The following PYCARD variants were observed in gnomAD, a reference collection of about 807,000 sequenced individuals.
PYCARD encodes PYD and CARD domain containing.
PYCARD carries 10 observed loss-of-function variants against 10.0 expected under a neutral mutation model. That is an observed-to-expected ratio of 1.00 (90% CI 0.62 to 1.69). The LOEUF is 1.69. PYCARD is among the 40% of genes most tolerant of loss of function. The probability of loss-of-function intolerance (pLI) is 0.00; values close to 1 mark genes in which losing one functional copy is unlikely to be tolerated. For missense variants in PYCARD, 239 were observed against 260.2 expected (o/e 0.92, Z 0.56); for synonymous variants, 121 against 122.3 (o/e 0.99, Z 0.07).
Position 31,202,244 on chromosome 16 carries a change from C to G in PYCARD, c.275-41G>C. The G allele has an allele frequency of 6.3e-7, 1 of 1,594,078 alleles. No homozygotes were observed. The highest frequency in any genetic ancestry group is 8.5e-7 in the Non-Finnish European group (1 of 1,177,014). On this transcript the variant is annotated intron_variant, in intron 1 of 2. Transcript: ENST00000247470. The surrounding 1 kb of genome is among the most constrained non-coding windows in gnomAD (Gnocchi z 4.5). Reference sequence around the variant, plus strand: ...CCAAGTGATCCCCTTCCCTTCCCTTCCCGCCGTGGGGCCGGGGTCCCGTTG... The same window carrying G: ...CCAAGTGATCCCCTTCCCTTCCCTTGCCGCCGTGGGGCCGGGGTCCCGTTG...
Position 31,202,077 on chromosome 16 carries a change from C to T in PYCARD, c.331+70G>A. 1 of 1,557,722 alleles carries T rather than the reference C, an allele frequency of 6.4e-7. No homozygotes were observed. On this transcript the variant is annotated intron_variant, in intron 2 of 2. Transcript: ENST00000247470. The surrounding 1 kb of genome is among the most constrained non-coding windows in gnomAD (Gnocchi z 4.5). ...CGTGCCTGCCCTGCCCTGCCCTGCC[C>T]TGGTTGCGGGAGCACAGATGCAGGC... is the stretch of plus-strand genomic sequence containing the variant.
Position 31,202,225 on chromosome 16 carries a change from G to T in PYCARD, c.275-22C>A. On this transcript the variant is annotated intron_variant, in intron 1 of 2. Coordinates refer to ENST00000247470, the MANE Select transcript of PYCARD (RefSeq NM_013258.5). This position sits in a 1 kb window ranked among gnomAD's most constrained non-coding sequence, Gnocchi z 4.5. Reference sequence around the variant, plus strand: ...GAGCCTGGAAGGATATGGGCCAAGTGATCCCCTTCCCTTCCCTTCCCGCCG... The same window carrying T: ...GAGCCTGGAAGGATATGGGCCAAGTTATCCCCTTCCCTTCCCTTCCCGCCG... 6.2e-7 allele frequency: 1 copy of T among 1,600,734 alleles called. No homozygotes were observed. Among genetic ancestry groups the T allele is most frequent in the South Asian group, 1.1e-5 (1 of 90,816 alleles).
Position 31,202,353 on chromosome 16 carries a change from G to T in PYCARD, c.274+64C>A. ...GGAGGAACAGAAAGCGGAAGAGCCC[G>T]CGGGGTAAGCGCTGGTGTGGGTGGA... On this transcript the variant is annotated intron_variant, in intron 1 of 2. Coordinates refer to ENST00000247470, the MANE Select transcript of PYCARD (RefSeq NM_013258.5). This position sits in a 1 kb window ranked among gnomAD's most constrained non-coding sequence, Gnocchi z 4.5. 1 of 1,530,582 alleles carries T rather than the reference G, an allele frequency of 6.5e-7. No individual in the cohort carries two copies. The highest frequency in any genetic ancestry group is 8.8e-7 in the Non-Finnish European group (1 of 1,142,010). The allele number at this position is 1,530,582 out of a possible 1,614,324, so 94.8% of individuals were successfully genotyped here. A position where few individuals can be genotyped will look rare whatever the true frequency, so the allele number is the denominator to read the frequency against.
In PYCARD at chr16:31,202,130, G is replaced by T. The variant is rs1314617666; in HGVS notation, c.331+17C>A. ...TGCAGGAGTGCGGTGGGGCCGGGCT[G>T]GGTGTGGAGGCCTCACCTGGCTTGG... On this transcript the variant is annotated intron_variant, in intron 2 of 2. Transcript: ENST00000247470. The surrounding 1 kb of genome is among the most constrained non-coding windows in gnomAD (Gnocchi z 4.5). The T allele has an allele frequency of 6.2e-7, 1 of 1,604,882 alleles. No homozygotes were observed. The highest frequency in any genetic ancestry group is 8.5e-7 in the Non-Finnish European group (1 of 1,178,290).
In PYCARD at chr16:31,202,261, G is replaced by A. The variant is rs1567488161; in HGVS notation, c.275-58C>T. 1.3e-6 allele frequency: 2 copies of A among 1,582,964 alleles called. No individual in the cohort carries two copies. The highest frequency in any genetic ancestry group is 2.3e-5 in the South Asian group (2 of 88,498). ...CTTCCCTTCCCGCCGTGGGGCCGGG[G>A]TCCCGTTGGTCGGTAGGCCAAGCGT... On this transcript the variant is annotated intron_variant, in intron 1 of 2. Transcript: ENST00000247470. This position sits in a 1 kb window ranked among gnomAD's most constrained non-coding sequence, Gnocchi z 4.5.
chr16:31,202,706 G>GGCCGCT lies in PYCARD; in HGVS notation c.-22_-17dup, dbSNP rs761347250. 6.5e-7 allele frequency: 1 copy of GGCCGCT among 1,531,970 alleles called. No homozygotes were observed. The highest frequency in any genetic ancestry group is 8.8e-7 in the Non-Finnish European group (1 of 1,141,688). The allele number at this position is 1,531,970 out of a possible 1,614,324, so 94.9% of individuals were successfully genotyped here. A position where few individuals can be genotyped will look rare whatever the true frequency, so the allele number is the denominator to read the frequency against. On this transcript the variant is annotated 5_prime_UTR_variant, in exon 1 of 3. Coordinates refer to ENST00000247470, the MANE Select transcript of PYCARD (RefSeq NM_013258.5). This position sits in a 1 kb window ranked among gnomAD's most constrained non-coding sequence, Gnocchi z 4.5. ...CGCGCCCCATGGCTCCAGGATCCCC[G>GGCCGCT]GCCGCTGCCGCCGCTCACCCCGCTG...
chr16:31,202,037 G>A lies in PYCARD; in HGVS notation c.331+110C>T. ...GGGTGTGGGTTGGTGGGTGGGGTGC[G>A]CAGGGTTGCCAAGCCGTGCCTGCCC... On this transcript the variant is annotated intron_variant, in intron 2 of 2. Coordinates refer to ENST00000247470, the MANE Select transcript of PYCARD (RefSeq NM_013258.5). This position sits in a 1 kb window ranked among gnomAD's most constrained non-coding sequence, Gnocchi z 4.5. The A allele has an allele frequency of 2.7e-6, 4 of 1,471,238 alleles. No individual in the cohort carries two copies. The highest frequency in any genetic ancestry group is 2.7e-6 in the Non-Finnish European group (3 of 1,102,534). The allele number at this position is 1,471,238 out of a possible 1,614,324, so 91.1% of individuals were successfully genotyped here.
rs899717301 is a variant in PYCARD, at chr16:31,202,093, A to G, written c.331+54T>C. The G allele has an allele frequency of 2.5e-6, 4 of 1,576,768 alleles. No homozygotes were observed. Among genetic ancestry groups the G allele is most frequent in the East Asian group, 4.6e-5 (2 of 43,890 alleles). On this transcript the variant is annotated intron_variant, in intron 2 of 2. Transcript: ENST00000247470. The surrounding 1 kb of genome is among the most constrained non-coding windows in gnomAD (Gnocchi z 4.5). ...TGCCCTGCCCTGGTTGCGGGAGCAC[A>G]GATGCAGGCTGTGCAGGAGTGCGGT...
At position 31,202,757 on chromosome 16, in the gene PYCARD, C is replaced by T; in HGVS notation, c.-67G>A. 2.0e-6 allele frequency: 3 copies of T among 1,500,360 alleles called. No homozygotes were observed. The highest frequency in any genetic ancestry group is 2.7e-6 in the Non-Finnish European group (3 of 1,130,268). The allele number at this position is 1,500,360 out of a possible 1,614,324, so 92.9% of individuals were successfully genotyped here. On this transcript the variant is annotated 5_prime_UTR_variant, in exon 1 of 3. Transcript: ENST00000247470. This position sits in a 1 kb window ranked among gnomAD's most constrained non-coding sequence, Gnocchi z 4.5. The stretch of plus-strand genomic sequence containing the variant: ...CAGCCGCCGACCAGGAGGAAGTCGG[C>T]TCCGGGGCGGAACCTGGACTCCCCG...
In PYCARD at chr16:31,202,687, C is replaced by G. The variant is rs2079453418; in HGVS notation, c.4G>C (p.Gly2Arg). Reference sequence around the variant, plus strand: ...TCCAGGATGGCGTCGCGCGCGCGCCCCATGGCTCCAGGATCCCCGGCCGCT... The same window carrying G: ...TCCAGGATGGCGTCGCGCGCGCGCCGCATGGCTCCAGGATCCCCGGCCGCT... Reference protein sequence around the residue: MGRARDAILDAL... With the variant: MRRARDAILDAL... Residue 2 changes from glycine to arginine, a missense_variant, in exon 1 of 3, where the codon GGG becomes CGG. Coordinates refer to ENST00000247470, the MANE Select transcript of PYCARD (RefSeq NM_013258.5). The surrounding 1 kb of genome is among the most constrained non-coding windows in gnomAD (Gnocchi z 4.5). 6.4e-7 allele frequency: 1 copy of G among 1,570,480 alleles called. No individual in the cohort carries two copies. The highest frequency in any genetic ancestry group is 1.4e-5 in the African/African-American group (1 of 73,946).
Position 31,201,702 on chromosome 16 carries a change from G to T in PYCARD, c.471C>A (p.Ser157Arg). ...TGAAACTGAAGAGCTTCCGCATCTT[G>T]CTTGGGTTGGTGGGCTCGGCCCGCA... ...QAVRAEPTNP[S>R]KMRKLFSFTP... The change falls in exon 3 of 3, where the codon AGC becomes AGA. Residue 157 changes from serine (S) to arginine (R), a missense_variant. Coordinates refer to ENST00000247470, the MANE Select transcript of PYCARD (RefSeq NM_013258.5). The T allele has an allele frequency of 6.2e-7, 1 of 1,614,218 alleles. No homozygotes were observed. Among genetic ancestry groups the T allele is most frequent in the Middle Eastern group, 1.6e-4 (1 of 6,062 alleles).
rs1183915758 is a variant in PYCARD at position 31,202,449 on chromosome 16, A to G, written c.242T>C (p.Met81Thr). 6.4e-7 allele frequency: 1 copy of G among 1,558,092 alleles called. No homozygotes were observed. Among genetic ancestry groups the G allele is most frequent in the Admixed American group, 1.9e-5 (1 of 52,142 alleles). ...CGTGGCCGCCTGCAGCTGCCCGGCC[A>G]TCTCCTGCAGGCCCATGTCGCGCAG... ...NVLRDMGLQE[M>T]AGQLQAATHQ... Residue 81 changes from methionine (M) to threonine (T), a missense_variant, in exon 1 of 3, where the codon ATG (methionine) becomes ACG (threonine). Transcript: ENST00000247470. This position sits in a 1 kb window ranked among gnomAD's most constrained non-coding sequence, Gnocchi z 4.5.
chr16:31,202,240 C>T lies in PYCARD; in HGVS notation c.275-37G>A, dbSNP rs1268302449. On this transcript the variant is annotated intron_variant, in intron 1 of 2. Transcript: ENST00000247470. This position sits in a 1 kb window ranked among gnomAD's most constrained non-coding sequence, Gnocchi z 4.5. ...TGGGCCAAGTGATCCCCTTCCCTTC[C>T]CTTCCCGCCGTGGGGCCGGGGTCCC... 1.4e-5 allele frequency: 23 copies of T among 1,595,170 alleles called. No homozygotes were observed. Among genetic ancestry groups the T allele is most frequent in the African/African-American group, 1.1e-4 (8 of 74,856 alleles).
chr16:31,201,986 G>A (rs2079446184), intron 2 of PYCARD, 145 bp from the exon 3 acceptor site: 2 of 1,453,796 alleles, frequency 1.4e-6, no homozygotes, highest in Non-Finnish European at 1.8e-6. Context: ...GTGGGATGAG[G>A]GTAATATTGT....
rs765454878 is a variant in PYCARD at position 31,202,664 on chromosome 16, C to T, written c.27G>A (p.Leu9=). 1.9e-6 allele frequency: 3 copies of T among 1,597,380 alleles called. No individual in the cohort carries two copies. The change falls in exon 1 of 3, where the codon CTG becomes CTA. Residue 9 remains leucine (L), a synonymous_variant. Transcript: ENST00000247470. This position sits in a 1 kb window ranked among gnomAD's most constrained non-coding sequence, Gnocchi z 4.5. MGRARDAI[L]DALENLTAEE... ...CGGCGGTCAGGTTCTCCAGCGCATC[C>T]AGGATGGCGTCGCGCGCGCGCCCCA...
Position 31,202,172 on chromosome 16 carries a change from G to A in PYCARD, c.306C>T (p.Ala102=), listed in dbSNP as rs1596928521. The change falls in exon 2 of 3, where the codon GCC becomes GCT. Residue 102 remains alanine, a synonymous_variant. Coordinates refer to ENST00000247470, the MANE Select transcript of PYCARD (RefSeq NM_013258.5). This position sits in a 1 kb window ranked among gnomAD's most constrained non-coding sequence, Gnocchi z 4.5. ...GSGAAPAGIQ[A]PPQSAAKPGL... ...CTGGCTTGGCTGCCGACTGAGGAGG[G>A]GCCTGGATCCCAGCTGGCGCGGCTC... 1 of 1,607,030 alleles carries A rather than the reference G, an allele frequency of 6.2e-7. No individual in the cohort carries two copies.
Position 31,202,404 on chromosome 16 carries a change from G to C in PYCARD, c.274+13C>G, listed in dbSNP as rs1160181050. On this transcript the variant is annotated intron_variant, in intron 1 of 2. Transcript: ENST00000247470. The surrounding 1 kb of genome is among the most constrained non-coding windows in gnomAD (Gnocchi z 4.5). ...GGGGAAAGACGGGGTGGAGGGGAAC[G>C]GGGGCGGCTCACCCTGGTGCGTGGC... 7 of 1,528,902 alleles carry C rather than the reference G, an allele frequency of 4.6e-6. No individual in the cohort carries two copies. The Admixed American group carries it at 6.0e-5, about 13-fold the overall frequency. The allele number at this position is 1,528,902 out of a possible 1,614,324, so 94.7% of individuals were successfully genotyped here.
Position 31,202,728 on chromosome 16 carries a change from G to A in PYCARD, c.-38C>T, listed in dbSNP as rs1465310586. 6 of 1,517,506 alleles carry A rather than the reference G, an allele frequency of 4.0e-6. No homozygotes were observed. Among genetic ancestry groups the A allele is most frequent in the East Asian group, 2.3e-5 (1 of 43,442 alleles). The allele number at this position is 1,517,506 out of a possible 1,614,324, so 94.0% of individuals were successfully genotyped here. A position where few individuals can be genotyped will look rare whatever the true frequency, so the allele number is the denominator to read the frequency against. On this transcript the variant is annotated 5_prime_UTR_variant, in exon 1 of 3. Transcript: ENST00000247470. The surrounding 1 kb of genome is among the most constrained non-coding windows in gnomAD (Gnocchi z 4.5). Reference sequence around the variant, plus strand: ...CCCGGCCGCTGCCGCCGCTCACCCCGCTGCAGCCGCCGACCAGGAGGAAGT... The same window carrying A: ...CCCGGCCGCTGCCGCCGCTCACCCCACTGCAGCCGCCGACCAGGAGGAAGT...
Position 31,202,599 on chromosome 16 carries a change from G to T in PYCARD, c.92C>A (p.Pro31Gln). The change falls in exon 1 of 3, where the codon CCG becomes CAG. Residue 31 changes from proline to glutamine, a missense_variant. By Grantham distance (76) the Pro-to-Gln change is moderately conservative. Transcript: ENST00000247470. This position sits in a 1 kb window ranked among gnomAD's most constrained non-coding sequence, Gnocchi z 4.5. ...GATGCGCCCGTAGCCCTCGCGCAGC[G>T]GCACCGACAGCAGCTTCAGCTTGAA... is the stretch of plus-strand genomic sequence containing the variant. ...KKFKLKLLSV[P>Q]LREGYGRIPR... is the part of the protein sequence containing the mutation. 1.9e-6 allele frequency: 3 copies of T among 1,612,862 alleles called. No individual in the cohort carries two copies. The South Asian group carries it at 3.3e-5, about 18-fold the overall frequency.
Sources: allele counts gnomAD v4.1 joint callset, GRCh38; gene constraint gnomAD v4.1.1; non-coding constraint Gnocchi (gnomAD v3.1); transcripts MANE v1.5; gene names NCBI Gene and HGNC (gene_info 2026-07-23, HGNC 2026-07-21).